EPHB2: variants seen among roughly 807,000 people sequenced by gnomAD.
EPHB2 encodes the protein ephrin type-B receptor 2.
EPHB2 carries 18 observed loss-of-function variants against 96.4 expected under a neutral mutation model. That is an observed-to-expected ratio of 0.19 (90% CI 0.13 to 0.28). The LOEUF (loss-of-function observed/expected upper bound fraction) is 0.28. Ranked by LOEUF, EPHB2 falls within the 10% of genes least tolerant of loss-of-function variation. The pLI is 1.00. For missense variants in EPHB2, 989 were observed against 1,355.4 expected, an observed-to-expected ratio of 0.73 and a Z score of 4.25; for synonymous variants, 506 against 534.1, an observed-to-expected ratio of 0.95 and a Z score of 0.72.
chr1:22,756,811 A>C (rs1220581720), intron 1 of EPHB2, among the ~76,000 whole-genome samples: 1 of 146,252 alleles, frequency 6.8e-6, no homozygotes, highest in African/African-American at 2.8e-5. Flanking sequence ...AGATATGAGG[A>C]GGCTGTAGAC....
intron 1 of EPHB2, among the ~76,000 whole-genome samples, chr1:22,721,635 TAGAC>T (rs1392274246): frequency 1.4e-4 from 22 of 152,172 alleles, no homozygotes; most frequent in Admixed American, 1.2e-3. Context: ...TCTTTTTTCT[TAGAC>T]AGGGTCTCAC....
intron 6 of EPHB2, among the ~76,000 whole-genome samples, chr1:22,891,728 G>A (rs1639393810): frequency 6.6e-6 from 1 of 152,096 alleles, no homozygotes; most frequent in African/African-American, 2.4e-5. Context: ...ACTAGGTTTG[G>A]GGTACCCAAA....
At chr1:22,861,274 A>C (rs559390893) in intron 3 of EPHB2, among the ~76,000 whole-genome samples, 1 of 152,150 alleles carries the variant, frequency 6.6e-6, no homozygotes, top group African/African-American at 2.4e-5. Context: ...ACTAACCACT[A>C]TGTTCACTGC....
intron 3 of EPHB2, among the ~76,000 whole-genome samples, chr1:22,820,009 C>T (rs1458123607): frequency 6.6e-6 from 1 of 152,042 alleles, no homozygotes. Flanking sequence ...ATAGCTACAG[C>T]TCCCATTTCT....
At chr1:22,792,141 G>C (rs1389946805) in intron 3 of EPHB2, among the ~76,000 whole-genome samples, 1 of 151,782 alleles carries the variant, frequency 6.6e-6, no homozygotes, top group Non-Finnish European at 1.5e-5. Context: ...CTTTCAGCTC[G>C]AGCCCTTCTT....
At chr1:22,778,582 CAGG>C (rs1048198870) in intron 1 of EPHB2, among the ~76,000 whole-genome samples, 3 of 152,236 alleles carry the variant, frequency 2.0e-5, no homozygotes, top group Admixed American at 1.3e-4. Flanking sequence ...AGGAGTGGCA[CAGG>C]AGAAGGGAGC....
At chr1:22,755,723 AAGGAACATTT>A (rs1422093647) in intron 1 of EPHB2, among the ~76,000 whole-genome samples, 3 of 152,238 alleles carry the variant, frequency 2.0e-5, no homozygotes, top group African/African-American at 7.2e-5. Context: ...GCCTATGTCA[AAGGAACATTT>A]AGGATATTAA....
intron 3 of EPHB2, among the ~76,000 whole-genome samples, chr1:22,825,083 A>G (rs952499779): frequency 2.6e-5 from 4 of 152,256 alleles, no homozygotes; most frequent in African/African-American, 9.6e-5. Context: ...CTTGATCTCA[A>G]GAAGACCCCG....
At position 22,823,064 on chromosome 1, in the gene EPHB2, T is replaced by C. The variant is rs538889267; in HGVS notation, c.811+37988T>C. On this transcript the variant is annotated intron_variant, in intron 3 of 15. Coordinates refer to ENST00000374630, the MANE Select transcript of EPHB2 (RefSeq NM_017449.5). Reference sequence around the variant, plus strand: ...CAGTGGGGCCAGAGGCAGGTCCTCATTGTTTCTTAGGAAGAGCCAGACAGG... The same window carrying C: ...CAGTGGGGCCAGAGGCAGGTCCTCACTGTTTCTTAGGAAGAGCCAGACAGG... 2.6e-5 allele frequency among the ~76,000 whole-genome samples: 4 copies of C among 152,276 alleles called. No homozygotes were observed. In the South Asian group the frequency reaches 8.3e-4, roughly 32 times the overall value.
chr1:22,803,930 G>C (rs375750247), intron 3 of EPHB2, among the ~76,000 whole-genome samples: 1 of 146,948 alleles, frequency 6.8e-6, no homozygotes, highest in Non-Finnish European at 1.5e-5. Context: ...AAAAAAAAAA[G>C]TGTTTAGAGA....
intron 5 of EPHB2, 26 bp from the exon 6 acceptor site, chr1:22,882,333 T>TGAC: frequency 6.2e-7 from 1 of 1,612,654 alleles, no homozygotes; most frequent in Non-Finnish European, 8.5e-7. Context: ...GCCTCCCTGA[T>TGAC]CCCTGACCTC....
intron 1 of EPHB2, among the ~76,000 whole-genome samples, chr1:22,761,391 T>C (rs1380370456): frequency 2.0e-5 from 3 of 152,178 alleles, no homozygotes; most frequent in Non-Finnish European, 1.5e-5. Context: ...CTTTTCTGTG[T>C]TTTCCAAATT....
Position 22,919,833 on chromosome 1 carries a change from C to A in EPHB2, c.*6263C>A, listed in dbSNP as rs1640353996. 1 of 152,166 alleles carries A rather than the reference C, an allele frequency of 6.6e-6. No homozygotes were observed. Among genetic ancestry groups the A allele is most frequent in the African/African-American group, 2.4e-5 (1 of 41,436 alleles). The allele number at this position is 152,166 out of a possible 1,614,324, so 9.4% of individuals were successfully genotyped here. A position where few individuals can be genotyped will look rare whatever the true frequency, so the allele number is the denominator to read the frequency against. On this transcript the variant is annotated 3_prime_UTR_variant, in exon 16 of 16. Coordinates refer to ENST00000374630, the MANE Select transcript of EPHB2 (RefSeq NM_017449.5). ...CCAAGATTCTAGGATTGCAAAACCC[C>A]ATCATTCTAAGATTCCAATGGAATG...
In EPHB2 at chr1:22,765,886, G is replaced by T. The variant is rs190822108; in HGVS notation, c.62-15535G>T. ...ACTGGCCAGTTCTGCTCCCTGGGGT[G>T]GGGGCAGAGGGGACAGAAGCCAGGT... On this transcript the variant is annotated intron_variant, in intron 1 of 15. Coordinates refer to ENST00000374630, the MANE Select transcript of EPHB2 (RefSeq NM_017449.5). 4.1e-4 allele frequency among the ~76,000 whole-genome samples: 63 copies of T among 152,286 alleles called. No individual in the cohort carries two copies. The East Asian group carries it at 0.01, about 24-fold the overall frequency.
chr1:22,788,753 G>GTTTT (rs66554696), intron 3 of EPHB2, among the ~76,000 whole-genome samples: 3 of 134,168 alleles, frequency 2.2e-5, no homozygotes, highest in Admixed American at 7.3e-5. Flanking sequence ...TTTTGTTTTT[G>GTTTT]TTTTTTTTTT....
chr1:22,884,178 G>A (rs1185832867), intron 6 of EPHB2, among the ~76,000 whole-genome samples: 1 of 152,210 alleles, frequency 6.6e-6, no homozygotes, highest in East Asian at 1.9e-4. Context: ...TTGTGTGAAT[G>A]AATGAGAGAC....
rs940876702 is a variant in EPHB2 at position 22,875,242 on chromosome 1, G to A, written c.1304-7117G>A. 4.6e-5 allele frequency among the ~76,000 whole-genome samples: 7 copies of A among 152,184 alleles called. No individual in the cohort carries two copies. The highest frequency in any genetic ancestry group is 1.0e-4 in the Non-Finnish European group (7 of 68,034). Reference sequence around the variant, plus strand: ...AGCCAGATCATCGGGGGTTAACTGCGTTGCTACGGGTTTAAGGGACAAACA... The same window carrying A: ...AGCCAGATCATCGGGGGTTAACTGCATTGCTACGGGTTTAAGGGACAAACA... On this transcript the variant is annotated intron_variant, in intron 5 of 15. Transcript: ENST00000374630. The surrounding 1 kb of genome is among the most constrained non-coding windows in gnomAD (Gnocchi z 4.2).
chr1:22,905,016 G>A (rs1481062056), intron 9 of EPHB2, among the ~76,000 whole-genome samples: 2 of 152,224 alleles, frequency 1.3e-5, no homozygotes, highest in Non-Finnish European at 2.9e-5. Context: ...GGAAGAGCCA[G>A]AGGAAAGCCT....
chr1:22,912,584 C>G lies in EPHB2; in HGVS notation c.2837C>G (p.Ser946Cys). The change falls in exon 15 of 16, where the codon TCT becomes TGT. Residue 946 changes from serine (S) to cysteine (C), a missense_variant. Coordinates refer to ENST00000374630, the MANE Select transcript of EPHB2 (RefSeq NM_017449.5). ...NAGFTSFDVV[S>C]QMMMEDILRV... ...GGCTTCACCTCCTTTGACGTCGTGT[C>G]TCAGATGATGATGGAGTAAGTGCCC... is the stretch of plus-strand genomic sequence containing the variant. The G allele has an allele frequency of 6.2e-7, 1 of 1,613,974 alleles. No homozygotes were observed. Among genetic ancestry groups the G allele is most frequent in the Non-Finnish European group, 8.5e-7 (1 of 1,180,024 alleles).
Sources: allele counts gnomAD v4.1 joint callset (sites outside exome capture counted in the v4.1 genomes callset), GRCh38; gene constraint gnomAD v4.1.1; non-coding constraint Gnocchi (gnomAD v3.1); transcripts MANE v1.5; gene names NCBI Gene and HGNC (gene_info 2026-07-23, HGNC 2026-07-21).